Variants in HEPH observed in about 807,000 individuals in gnomAD.
HEPH encodes the protein hephaestin.
Under a neutral mutation model 80.8 loss-of-function variants are expected in HEPH, and 69 were observed. That is an observed-to-expected ratio of 0.85 (90% CI 0.70 to 1.04). The LOEUF is 1.04. Ranked by LOEUF, HEPH falls within the 50% of genes least tolerant of loss-of-function variation. The probability of loss-of-function intolerance (pLI) is 0.00; values close to 1 mark genes in which losing one functional copy is unlikely to be tolerated. For synonymous variants in HEPH, 431 were observed against 322.8 expected (o/e 1.34, Z -3.60); for missense variants, 1,115 against 891.3 (o/e 1.25, Z -3.20).
intron 15 of HEPH, among the ~76,000 whole-genome samples, chrX:66,243,222 G>A (rs1450936900): frequency 1.8e-5 from 2 of 111,785 alleles, no homozygotes; most frequent in African/African-American, 6.5e-5. Flanking sequence ...GTGAACTAAT[G>A]CAGAAACAGA....
intron 12 of HEPH, among the ~76,000 whole-genome samples, chrX:66,203,026 A>G: frequency 9.4e-6 from 1 of 106,710 alleles, no homozygotes; most frequent in Non-Finnish European, 1.9e-5. Context: ...GTTACCAACC[A>G]TGGCAGTTTG....
intron 15 of HEPH, among the ~76,000 whole-genome samples, chrX:66,228,333 G>A (rs139567499): frequency 4.4e-5 from 5 of 112,437 alleles, no homozygotes; most frequent in South Asian, 3.7e-4. Context: ...GATGAGATTC[G>A]TGTGGAACAC....
intron 15 of HEPH, among the ~76,000 whole-genome samples, chrX:66,231,905 G>T (rs1255465101): frequency 9.1e-6 from 1 of 109,633 alleles, no homozygotes; most frequent in African/African-American, 3.4e-5. Flanking sequence ...TATGATATTG[G>T]CTGTGGATTT....
At chrX:66,255,431 A>C (rs868605480) in intron 16 of HEPH, among the ~76,000 whole-genome samples, 2 of 97,839 alleles carry the variant, frequency 2.0e-5, no homozygotes, top group Non-Finnish European at 3.8e-5. Context: ...AAAACACAAA[A>C]GAAACCTGGG....
chrX:66,210,512 T>C (rs1423421795), intron 15 of HEPH, among the ~76,000 whole-genome samples: 2 of 111,028 alleles, frequency 1.8e-5, no homozygotes, highest in African/African-American at 6.5e-5. Flanking sequence ...GTTGGATAAA[T>C]CATCCACATG....
chrX:66,264,117 A>T (rs1176080680), intron 20 of HEPH, among the ~76,000 whole-genome samples: 1 of 109,873 alleles, frequency 9.1e-6, no homozygotes, highest in African/African-American at 3.3e-5. Flanking sequence ...GTAGAAGGGC[A>T]GTGAGGAATA....
At chrX:66,250,574 A>G (rs1269607578) in intron 15 of HEPH, among the ~76,000 whole-genome samples, 1 of 111,291 alleles carries the variant, frequency 9.0e-6, no homozygotes, top group Non-Finnish European at 1.9e-5. Context: ...CCTAGAAAAA[A>G]TATGCATATA....
intron 4 of HEPH, among the ~76,000 whole-genome samples, chrX:66,175,714 G>C (rs1275564453): frequency 9.2e-6 from 1 of 109,034 alleles, no homozygotes; most frequent in Non-Finnish European, 1.9e-5. Context: ...CCTTGTAGAG[G>C]TCTTTCACCT....
At chrX:66,181,058 A>G (rs2087123050) in intron 4 of HEPH, among the ~76,000 whole-genome samples, 2 of 65,588 alleles carry the variant, frequency 3.0e-5, no homozygotes, top group African/African-American at 7.0e-5. Context: ...ATAGTATTCC[A>G]TGGTGTATAT....
chrX:66,184,228 C>A (rs2087300172), intron 4 of HEPH, among the ~76,000 whole-genome samples: 1 of 59,748 alleles, frequency 1.7e-5, no homozygotes, highest in East Asian at 3.5e-4. Flanking sequence ...CTGCTTGGTG[C>A]AGAGCTGAGT....
intron 15 of HEPH, among the ~76,000 whole-genome samples, chrX:66,215,929 G>A (rs1020296821): frequency 3.6e-5 from 4 of 109,886 alleles, no homozygotes; most frequent in Non-Finnish European, 7.6e-5. Flanking sequence ...CCTTTCGGCT[G>A]TGGGCTGTCA....
intron 15 of HEPH, among the ~76,000 whole-genome samples, chrX:66,245,032 A>T (rs1264067619): frequency 3.6e-5 from 4 of 111,463 alleles, no homozygotes; most frequent in Non-Finnish European, 5.6e-5. Flanking sequence ...CTGAGGACCA[A>T]TTGTAAAGAC....
chrX:66,244,409 C>T (rs754452297), intron 15 of HEPH, among the ~76,000 whole-genome samples: 3 of 111,322 alleles, frequency 2.7e-5, no homozygotes, highest in South Asian at 3.8e-4. Context: ...AACTAGTCTC[C>T]GAGCTTTGAG....
chrX:66,233,197 T>C (rs1400325928), intron 15 of HEPH, among the ~76,000 whole-genome samples: 3 of 111,521 alleles, frequency 2.7e-5, no homozygotes, highest in African/African-American at 6.5e-5. Flanking sequence ...ATTGGCCAAC[T>C]GGATATATAT....
At chrX:66,171,833 G>C (rs1458498647) in intron 2 of HEPH, among the ~76,000 whole-genome samples, 2 of 111,444 alleles carry the variant, frequency 1.8e-5, no homozygotes, top group Non-Finnish European at 1.9e-5. Context: ...AAAGCTGTCT[G>C]AGTTAGGAAC....
chrX:66,164,019 A>C (rs2147448535), upstream of HEPH, among the ~76,000 whole-genome samples: 1 of 111,649 alleles, frequency 9.0e-6, no homozygotes, highest in East Asian at 2.8e-4. Context: ...TTCAATTTCT[A>C]CCTCATTTCT....
intron 12 of HEPH, among the ~76,000 whole-genome samples, chrX:66,202,978 A>G (rs1368719355): frequency 9.6e-6 from 1 of 104,485 alleles, no homozygotes; most frequent in Non-Finnish European, 1.9e-5. Context: ...TTATATATGT[A>G]TATATATATG....
At chrX:66,223,357 C>A (rs1470990238) in intron 15 of HEPH, among the ~76,000 whole-genome samples, 2 of 111,554 alleles carry the variant, frequency 1.8e-5, no homozygotes, top group Non-Finnish European at 3.8e-5. Context: ...TTATTAGTTT[C>A]TAGACCAAAG....
At chrX:66,249,283 A>G (rs558904591) in intron 15 of HEPH, among the ~76,000 whole-genome samples, 9 of 112,018 alleles carry the variant, frequency 8.0e-5, no homozygotes, top group African/African-American at 2.9e-4. Flanking sequence ...AAGTGATATA[A>G]TATCTATGAG....
Sources: gnomAD v4.1 joint callset for allele counts (sites outside exome capture counted in the v4.1 genomes callset) on GRCh38, gnomAD v4.1.1 for gene constraint, MANE v1.5 for transcripts, NCBI Gene and HGNC (gene_info 2026-07-23, HGNC 2026-07-21) for gene names.